The following COL4A5 variants were observed in gnomAD, a reference collection of about 807,000 sequenced individuals.
COL4A5 encodes collagen type IV alpha 5 chain.
COL4A5 carries 26 observed loss-of-function variants against 130.2 expected under a neutral mutation model. The ratio of observed to expected loss-of-function variants is 0.20; its 90% CI spans 0.15 to 0.28. The LOEUF is 0.28. COL4A5 is among the 10% of genes least tolerant of loss of function. COL4A5 has a pLI of 1.00. For missense variants in COL4A5, 1,131 were observed against 1,344.3 expected (o/e 0.84, Z 2.48); for synonymous variants, 496 against 439.6 (o/e 1.13, Z -1.60).
intron 2 of COL4A5, among the ~76,000 whole-genome samples, chrX:108,557,196 A>AT (rs762633458): frequency 9.0e-6 from 1 of 110,671 alleles, no homozygotes; most frequent in Non-Finnish European, 1.9e-5. Context: ...CTGTAACTAG[A>AT]TTTTTTTTCC....
chrX:108,519,734 T>C (rs1241906656), intron 1 of COL4A5, among the ~76,000 whole-genome samples: 1 of 111,393 alleles, frequency 9.0e-6, no homozygotes, highest in Non-Finnish European at 1.9e-5. Flanking sequence ...AATACATTTC[T>C]TATACTATTT....
At chrX:108,563,964 T>G in intron 4 of COL4A5, 38 bp downstream of exon 4, 1 of 1,072,732 alleles carries the variant, frequency 9.3e-7, no homozygotes, top group Non-Finnish European at 1.3e-6. Context: ...ACTTTGTTGG[T>G]GGAAACAGAT....
chrX:108,463,655 C>G (rs1352138666), intron 1 of COL4A5, among the ~76,000 whole-genome samples: 1 of 111,935 alleles, frequency 8.9e-6, no homozygotes, highest in Non-Finnish European at 1.9e-5. Flanking sequence ...CTGCATATCT[C>G]TTAGTTTTTC....
intron 1 of COL4A5, among the ~76,000 whole-genome samples, chrX:108,517,405 G>A (rs1414830390): frequency 9.0e-6 from 1 of 111,681 alleles, no homozygotes; most frequent in Admixed American, 9.5e-5. Flanking sequence ...ATGATTCCTT[G>A]AGTTGATTTC....
chrX:108,600,085 T>G (rs181852080), intron 25 of COL4A5, among the ~76,000 whole-genome samples: 1 of 112,726 alleles, frequency 8.9e-6, no homozygotes, highest in Admixed American at 9.4e-5. Context: ...TGCATTTCTC[T>G]GATTAAAGTT....
rs764577386 is a variant in COL4A5 at position 108,621,760 on chromosome X, A to G, written c.2678-43A>G. ...TTAAAACTTACTTTTTATGTTCCCT[A>G]AGTCAAAGAAAGGCAAACATTACTT... On this transcript the variant is annotated intron_variant, in intron 31 of 52. Transcript: ENST00000328300. 1.7e-5 allele frequency: 17 copies of G among 1,023,119 alleles called. No homozygotes were observed. In the East Asian group the frequency reaches 5.2e-4, roughly 31 times the overall value. The allele number at this position is 1,023,119 out of a possible 1,213,427, so 84.3% of individuals were successfully genotyped here. A position where few individuals can be genotyped will look rare whatever the true frequency, so the allele number is the denominator to read the frequency against.
rs1226348837 is a variant in COL4A5, at chrX:108,440,191, G to A, written c.66G>A (p.Gln22=). 4 of 1,196,184 alleles carry A rather than the reference G, an allele frequency of 3.3e-6. No individual in the cohort carries two copies. The highest frequency in any genetic ancestry group is 1.1e-6 in the Non-Finnish European group (1 of 885,593). Residue 22 remains glutamine, a synonymous_variant, in exon 1 of 53, where the codon CAG becomes CAA. Coordinates refer to ENST00000328300, the MANE Select transcript of COL4A5 (RefSeq NM_033380.3). The stretch of plus-strand genomic sequence containing the variant: ...TACTGGCCCTGAGTCTTTGGGGGCA[G>A]CCTGCAGAGGCTGCGGTAAGTCCTT... ...LFLLALSLWG[Q]PAEAAACYGC...
In COL4A5 at chrX:108,696,988, A is replaced by T. The variant is rs1245531870; in HGVS notation, c.*610A>T. On this transcript the variant is annotated 3_prime_UTR_variant, in exon 53 of 53. Coordinates refer to ENST00000328300, the MANE Select transcript of COL4A5 (RefSeq NM_033380.3). Reference sequence around the variant, plus strand: ...CATGTTTATCAAAGTGAGAGGACTTATATTCCTACATCAAGTTACTACTGA... The same window carrying T: ...CATGTTTATCAAAGTGAGAGGACTTTTATTCCTACATCAAGTTACTACTGA... 1 of 111,847 alleles carries T rather than the reference A, an allele frequency of 8.9e-6. No individual in the cohort carries two copies. The highest frequency in any genetic ancestry group is 1.9e-5 in the Non-Finnish European group (1 of 53,119). The allele number at this position is 111,847 out of a possible 1,213,427, so 9.2% of individuals were successfully genotyped here.
At chrX:108,629,743 C>T (rs1209028756) in intron 36 of COL4A5, among the ~76,000 whole-genome samples, 7 of 110,726 alleles carry the variant, frequency 6.3e-5, no homozygotes, top group Admixed American at 1.9e-4. Flanking sequence ...ATACATGTGC[C>T]GTATTGGTTT....
chrX:108,605,819 CT>C (rs938868868), intron 28 of COL4A5, among the ~76,000 whole-genome samples: 3 of 111,962 alleles, frequency 2.7e-5, no homozygotes, highest in African/African-American at 9.7e-5. Flanking sequence ...ATTTCCAGAC[CT>C]TGTATACTGT....
chrX:108,647,992 A>G (rs1300879752), intron 36 of COL4A5, among the ~76,000 whole-genome samples: 2 of 111,398 alleles, frequency 1.8e-5, no homozygotes, highest in East Asian at 5.6e-4. Flanking sequence ...CCAGTATTTT[A>G]TTGAGGATTT....
intron 1 of COL4A5, chrX:108,462,811 G>C (rs1431745035): frequency 8.9e-6 from 1 of 112,712 alleles, no homozygotes; most frequent in African/African-American, 3.2e-5. Flanking sequence ...AAAAATTCCA[G>C]AGACTGCCAG....
intron 2 of COL4A5, among the ~76,000 whole-genome samples, chrX:108,544,887 T>A (rs959506722): frequency 1.8e-4 from 20 of 112,233 alleles, no homozygotes; most frequent in Non-Finnish European, 3.0e-4. Flanking sequence ...ATTTTCTAGT[T>A]TATTTGCGTA....
intron 1 of COL4A5, among the ~76,000 whole-genome samples, chrX:108,454,800 G>A (rs779264084): frequency 3.7e-5 from 4 of 109,531 alleles, no homozygotes; most frequent in African/African-American, 6.7e-5. Context: ...TGATTTTATC[G>A]AGACAAGGTC....
intron 10 of COL4A5, among the ~76,000 whole-genome samples, chrX:108,576,202 T>G (rs1193960251): frequency 3.6e-5 from 4 of 112,011 alleles, no homozygotes; most frequent in Non-Finnish European, 7.5e-5. Flanking sequence ...AGATTTACAA[T>G]GAAATATTTT....
chrX:108,550,079 A>G (rs1236641795), intron 2 of COL4A5, among the ~76,000 whole-genome samples: 1 of 111,855 alleles, frequency 8.9e-6, no homozygotes, highest in Non-Finnish European at 1.9e-5. Flanking sequence ...GAGTTTACTG[A>G]TGAATTCTAT....
At chrX:108,668,613 G>A in intron 41 of COL4A5, 109 bp downstream of exon 41, 1 of 580,998 alleles carries the variant, frequency 1.7e-6, no homozygotes, top group Non-Finnish European at 2.5e-6. Flanking sequence ...GTGCATTGGA[G>A]GATGTTAAAA....
intron 16 of COL4A5, among the ~76,000 whole-genome samples, chrX:108,582,056 AT>A (rs1207905252): frequency 9.0e-6 from 1 of 111,100 alleles, no homozygotes; most frequent in Non-Finnish European, 1.9e-5. Flanking sequence ...AGAATATTTG[AT>A]GAAATTTGTA....
At chrX:108,571,185 A>AT (rs911675849) in intron 6 of COL4A5, among the ~76,000 whole-genome samples, 5 of 111,434 alleles carry the variant, frequency 4.5e-5, no homozygotes, top group Admixed American at 9.5e-5. Context: ...GAGGTAGATA[A>AT]TTTTTTTTCT....
Sources: allele counts gnomAD v4.1 joint callset (sites outside exome capture counted in the v4.1 genomes callset), GRCh38; gene constraint gnomAD v4.1.1; transcripts MANE v1.5; gene names NCBI Gene and HGNC (gene_info 2026-07-23, HGNC 2026-07-21).